Variants in VARS2 observed in about 807,000 individuals in gnomAD.
VARS2 encodes valyl-tRNA synthetase 2, mitochondrial.
Under a neutral mutation model 154.1 loss-of-function variants are expected in VARS2, and 105 were observed. The observed-to-expected ratio is 0.68, with a 90% CI of 0.58 to 0.80. The LOEUF (loss-of-function observed/expected upper bound fraction) is 0.80, where lower values mean the gene tolerates loss of function less well. Among genes scored for constraint, VARS2 ranks in the 30% least tolerant of loss-of-function variants. VARS2 has a pLI of 0.00. For missense variants in VARS2, 1,157 were observed against 1,361.4 expected, an observed-to-expected ratio of 0.85 and a Z score of 2.36; for synonymous variants, 483 against 539.5, an observed-to-expected ratio of 0.90 and a Z score of 1.45.
Position 30,922,142 on chromosome 6 carries a change from CCT to C in VARS2, c.1834_1835del (p.Leu612ValfsTer100), listed in dbSNP as rs777028011. ...ETPDLARFYP[L>X]SLLETGSDLL... ...CCCCAGACCTTGCTCGTTTCTACCC[CCT>C]GTCACTTTTGGAAACGGGCAGCGAC... On this transcript the variant is annotated frameshift_variant, in exon 20 of 30. Transcript: ENST00000676266. LOFTEE classifies it high-confidence loss of function. The C allele has an allele frequency of 1.7e-5, 27 of 1,612,642 alleles. No individual in the cohort carries two copies. Among genetic ancestry groups the C allele is most frequent in the Admixed American group, 1.7e-5 (1 of 59,966 alleles).
At position 30,926,235 on chromosome 6, in the gene VARS2, C is replaced by A; in HGVS notation, c.*25C>A. On this transcript the variant is annotated 3_prime_UTR_variant, in exon 30 of 30. Transcript: ENST00000676266. ...ACTCATCATCCCCATCAGTTTTCCT[C>A]CCTCTCAGACCTGTCTTTGAGGACA... is the stretch of plus-strand genomic sequence containing the variant. 1 of 1,608,498 alleles carries A rather than the reference C, an allele frequency of 6.2e-7. No individual in the cohort carries two copies. Among genetic ancestry groups the A allele is most frequent in the Middle Eastern group, 1.7e-4 (1 of 6,060 alleles).
At position 30,925,331 on chromosome 6, in the gene VARS2, C is replaced by T; in HGVS notation, c.2731C>T (p.Gln911Ter). The T allele has an allele frequency of 6.2e-7, 1 of 1,612,712 alleles. No individual in the cohort carries two copies. Among genetic ancestry groups the T allele is most frequent in the Non-Finnish European group, 8.5e-7 (1 of 1,179,864 alleles). ...RRFSRVQEVV[Q>*]VLRALRATYQ... Reference sequence around the variant, plus strand: ...CTTCTCCCGGGTCCAAGAGGTCGTGCAGGTGCTAAGGGCTCTCCGAGCCAC... The same window carrying T: ...CTTCTCCCGGGTCCAAGAGGTCGTGTAGGTGCTAAGGGCTCTCCGAGCCAC... Residue 911 changes from glutamine to a stop codon, truncating the protein, a stop_gained, in exon 27 of 30, where the codon CAG becomes TAG. Transcript: ENST00000676266. LOFTEE classifies it high-confidence loss of function.
At position 30,916,475 on chromosome 6, in the gene VARS2, TGTA is replaced by T. The variant is rs1562448859; in HGVS notation, c.671+227_671+229del. 23 of 340,512 alleles carry T rather than the reference TGTA, an allele frequency of 6.8e-5. No homozygotes were observed. Among genetic ancestry groups the T allele is most frequent in the Non-Finnish European group, 9.9e-5 (20 of 202,192 alleles). The allele number at this position is 340,512 out of a possible 1,614,324, so 21.1% of individuals were successfully genotyped here. A position where few individuals can be genotyped will look rare whatever the true frequency, so the allele number is the denominator to read the frequency against. ...ATTCGTGTGTGTGTGTGTGTGTGTG[TGTA>T]TTTATATATATATATATATTTTCTT... is the stretch of plus-strand genomic sequence containing the variant. On this transcript the variant is annotated intron_variant, in intron 7 of 29. Coordinates refer to ENST00000676266, the MANE Select transcript of VARS2 (RefSeq NM_020442.6). The surrounding 1 kb of genome is among the most constrained non-coding windows in gnomAD (Gnocchi z 4.0).
In VARS2 at chr6:30,921,319, A is replaced by G. The variant is rs767012125; in HGVS notation, c.1632+14A>G. 3 of 1,614,112 alleles carry G rather than the reference A, an allele frequency of 1.9e-6. No individual in the cohort carries two copies. In the South Asian group the frequency reaches 3.3e-5, roughly 18 times the overall value. ...GACCATGCGCAGGTGGGTAGGAAGA[A>G]GCACCCGGAGGGCCGAGTGTGGCAC... On this transcript the variant is annotated intron_variant, in intron 17 of 29. Transcript: ENST00000676266. The surrounding 1 kb of genome is among the most constrained non-coding windows in gnomAD (Gnocchi z 4.6).
In VARS2 at chr6:30,921,505, C is replaced by G. The variant is rs1367662715; in HGVS notation, c.1633-84C>G. On this transcript the variant is annotated intron_variant, in intron 17 of 29. Transcript: ENST00000676266. The surrounding 1 kb of genome is among the most constrained non-coding windows in gnomAD (Gnocchi z 4.6). ...TGGGGGAACCTGGCCACTCTAAGAC[C>G]ACATGAGGACGTGAAAACCAAGTGA... 6.6e-7 allele frequency: 1 copy of G among 1,508,136 alleles called. No homozygotes were observed. Among genetic ancestry groups the G allele is most frequent in the Non-Finnish European group, 9.0e-7 (1 of 1,107,734 alleles). The allele number at this position is 1,508,136 out of a possible 1,614,324, so 93.4% of individuals were successfully genotyped here.
chr6:30,918,990 G>C, intron 11 of VARS2, 75 bp downstream of exon 11: 1 of 1,373,552 alleles, frequency 7.3e-7, no homozygotes, highest in East Asian at 2.3e-5. Flanking sequence ...TTAAATGGTG[G>C]CTCTTTCTCT....
rs201968413 is a variant in VARS2, at chr6:30,920,343, G to A, written c.1304G>A (p.Arg435Gln). 8.7e-6 allele frequency: 14 copies of A among 1,610,736 alleles called. No individual in the cohort carries two copies. The highest frequency in any genetic ancestry group is 3.4e-5 in the Admixed American group (2 of 59,302). The change falls in exon 14 of 30, where the codon CGG (arginine) becomes CAG (glutamine). Residue 435 changes from arginine to glutamine, a missense_variant. Coordinates refer to ENST00000676266, the MANE Select transcript of VARS2 (RefSeq NM_020442.6). This position sits in a 1 kb window ranked among gnomAD's most constrained non-coding sequence, Gnocchi z 4.6. Reference sequence around the variant, plus strand: ...CCGCTTTTTCTCCAGGGTCTTCACCGGTTTGTGGCCCGGGAAAAGATAATG... The same window carrying A: ...CCGCTTTTTCTCCAGGGTCTTCACCAGTTTGTGGCCCGGGAAAAGATAATG... ...LCGDWLQGLH[R>Q]FVAREKIMSV... is the part of the protein sequence containing the mutation.
Position 30,916,681 on chromosome 6 carries a change from A to G in VARS2, c.672-197A>G, listed in dbSNP as rs568963463. On this transcript the variant is annotated intron_variant, in intron 7 of 29. Transcript: ENST00000676266. The surrounding 1 kb of genome is among the most constrained non-coding windows in gnomAD (Gnocchi z 4.0). ...GCTATCCCTCCTCTCTTCCTATAGA[A>G]TCTTTTGCCTCTTTTAATATCTTAG... The G allele has an allele frequency of 5.9e-5, 36 of 609,226 alleles. No homozygotes were observed. The highest frequency in any genetic ancestry group is 4.9e-4 in the South Asian group (24 of 49,096). 37.7% of individuals were successfully genotyped at this position (609,226 alleles called of 1,614,324 possible). A position where few individuals can be genotyped will look rare whatever the true frequency, so the allele number is the denominator to read the frequency against.
At chr6:30,923,055 T>C (rs778978753) in intron 23 of VARS2, 49 bp from the exon 24 acceptor site, 13 of 1,609,242 alleles carry the variant, frequency 8.1e-6, no homozygotes, top group Non-Finnish European at 9.3e-6. Context: ...GCAGGACTTC[T>C]GGTGCTGCTG....
chr6:30,925,801 G>C, intron 28 of VARS2, 79 bp from the exon 29 acceptor site: 1 of 1,611,024 alleles, frequency 6.2e-7, no homozygotes, highest in South Asian at 1.1e-5. Flanking sequence ...CTATAAAGTA[G>C]GGGAAGGGAC....
intron 25 of VARS2, 54 bp downstream of exon 25, chr6:30,923,559 G>A (rs1409896155): frequency 2.0e-5 from 32 of 1,576,584 alleles, no homozygotes; most frequent in Non-Finnish European, 2.7e-5. Flanking sequence ...TAATTCCTCT[G>A]GAAATTTCCA....
chr6:30,925,409 T>G (rs768573166), intron 27 of VARS2, 24 bp downstream of exon 27: 3 of 1,594,726 alleles, frequency 1.9e-6, no homozygotes, highest in Non-Finnish European at 2.6e-6. Flanking sequence ...GGTCCTGGGC[T>G]CGGATCCCTG....
rs1212345317 is a variant in VARS2, at chr6:30,914,439, G to C, written c.-28+95G>C. The C allele has an allele frequency of 8.6e-6, 11 of 1,279,284 alleles. No individual in the cohort carries two copies. In the East Asian group the frequency reaches 3.1e-4, roughly 36 times the overall value. The allele number at this position is 1,279,284 out of a possible 1,614,324, so 79.2% of individuals were successfully genotyped here. Reference sequence around the variant, plus strand: ...GGGCGGGAAGGCTTGGCCGCGCCGGGCTGTGGGCACTGCAGGAGGCCCCTG... The same window carrying C: ...GGGCGGGAAGGCTTGGCCGCGCCGGCCTGTGGGCACTGCAGGAGGCCCCTG... On this transcript the variant is annotated intron_variant, in intron 1 of 29. Coordinates refer to ENST00000676266, the MANE Select transcript of VARS2 (RefSeq NM_020442.6).
At chr6:30,914,429 G>T in intron 1 of VARS2, 85 bp downstream of exon 1, 1 of 1,271,336 alleles carries the variant, frequency 7.9e-7, no homozygotes, top group Non-Finnish European at 9.9e-7. Flanking sequence ...GGAAGGCTTG[G>T]CCGCGCCGGG....
chr6:30,925,243 T>A (rs1394222474), intron 26 of VARS2, 31 bp from the exon 27 acceptor site: 1 of 1,576,848 alleles, frequency 6.3e-7, no homozygotes, highest in South Asian at 1.1e-5. Context: ...CAGGAGCCCC[T>A]TTGCCAATTC....
At chr6:30,914,469 G>A (rs1044174260) in intron 1 of VARS2, 125 bp downstream of exon 1, 1 of 1,328,598 alleles carries the variant, frequency 7.5e-7, no homozygotes. Flanking sequence ...CCCCTGTGCA[G>A]GTGGAGATCG....
In VARS2 at chr6:30,915,863, C is replaced by T. The variant is rs766338883; in HGVS notation, c.502C>T (p.Arg168Cys). 29 of 1,613,910 alleles carry T rather than the reference C, an allele frequency of 1.8e-5. No individual in the cohort carries two copies. The highest frequency in any genetic ancestry group is 2.3e-5 in the Non-Finnish European group (27 of 1,180,008). Reference sequence around the variant, plus strand: ...GGTGGCCATACAGGATGCCCTCGTGCGCTGGTGAGAGGGGAGTGGGGGCTG... The same window carrying T: ...GGTGGCCATACAGGATGCCCTCGTGTGCTGGTGAGAGGGGAGTGGGGGCTG... ...LTVAIQDALV[R>C]WHRMRGDQVL... Residue 168 changes from arginine to cysteine, a missense_variant, in exon 5 of 30, where the codon CGC becomes TGC. By Grantham distance (180) the Arg-to-Cys change is radical. Transcript: ENST00000676266.
rs1450463661 is a variant in VARS2, at chr6:30,917,317, T to C, written c.873+93T>C. 1 of 1,594,170 alleles carries C rather than the reference T, an allele frequency of 6.3e-7. No homozygotes were observed. The highest frequency in any genetic ancestry group is 8.6e-7 in the Non-Finnish European group (1 of 1,165,180). ...AGACTCTGGAGCCAGGGTGCCTGGA[T>C]TCAAATCTGATGCCTGCCTGTTACA... On this transcript the variant is annotated intron_variant, in intron 9 of 29. Coordinates refer to ENST00000676266, the MANE Select transcript of VARS2 (RefSeq NM_020442.6). This position sits in a 1 kb window ranked among gnomAD's most constrained non-coding sequence, Gnocchi z 4.4.
In VARS2 at chr6:30,922,500, G is replaced by C. The variant is rs1462946056; in HGVS notation, c.1983G>C (p.Lys661Asn). The change falls in exon 21 of 30, where the codon AAG (lysine) becomes AAC (asparagine). Residue 661 changes from lysine (K) to asparagine (N), a missense_variant. Physicochemically the swap from Lys to Asn is moderately conservative, Grantham distance 94. Coordinates refer to ENST00000676266, the MANE Select transcript of VARS2 (RefSeq NM_020442.6). ...ACAGGCAGGGCCGGAAGATGAGCAA[G>C]TCCCTGGGGAATGTGCTGGACCCAA... Reference protein sequence around the residue: ...VRDRQGRKMSKSLGNVLDPRD... With the variant: ...VRDRQGRKMSNSLGNVLDPRD... The C allele has an allele frequency of 6.3e-7, 1 of 1,596,146 alleles. No individual in the cohort carries two copies. The highest frequency in any genetic ancestry group is 1.7e-5 in the Admixed American group (1 of 57,426).
Sources: gnomAD v4.1 joint callset for allele counts on GRCh38, gnomAD v4.1.1 for gene constraint, Gnocchi (gnomAD v3.1) non-coding constraint, MANE v1.5 for transcripts, NCBI Gene and HGNC (gene_info 2026-07-23, HGNC 2026-07-21) for gene names.